PHACTR1: variants seen among roughly 807,000 people sequenced by gnomAD.
PHACTR1 encodes the protein phosphatase and actin regulator 1, also known as RPEL repeat containing 1.
A neutral mutation model predicts 69.2 loss-of-function variants in PHACTR1; 16 were observed. The ratio of observed to expected loss-of-function variants is 0.23; its 90% CI spans 0.16 to 0.35. The LOEUF (loss-of-function observed/expected upper bound fraction) is 0.35, where lower values mean the gene tolerates loss of function less well. PHACTR1 is among the 10% of genes least tolerant of loss of function. The probability of loss-of-function intolerance (pLI) is 1.00; values close to 1 mark genes in which losing one functional copy is unlikely to be tolerated. For missense variants in PHACTR1, 510 were observed against 734.7 expected, an observed-to-expected ratio of 0.69 and a Z score of 3.54; for synonymous variants, 312 against 284.5, an observed-to-expected ratio of 1.10 and a Z score of -0.97.
At chr6:13,227,268 G>C (rs910528197) in intron 8 of PHACTR1, among the ~76,000 whole-genome samples, 7 of 152,134 alleles carry the variant, frequency 4.6e-5, no homozygotes, top group Admixed American at 2.0e-4. Flanking sequence ...AGCATCTCCA[G>C]CCACAGCATT....
intron 4 of PHACTR1, among the ~76,000 whole-genome samples, chr6:12,794,267 A>G (rs980746994): frequency 1.1e-4 from 17 of 152,240 alleles, no homozygotes; most frequent in African/African-American, 4.1e-4. Flanking sequence ...ACAGGTGACT[A>G]TGATACCATT....
At chr6:12,774,999 A>G (rs571795122) in intron 4 of PHACTR1, among the ~76,000 whole-genome samples, 3 of 152,336 alleles carry the variant, frequency 2.0e-5, no homozygotes, top group South Asian at 2.1e-4. Context: ...GACGTGTCCA[A>G]CTTGTGAAGT....
intron 7 of PHACTR1, among the ~76,000 whole-genome samples, chr6:13,189,898 C>T (rs1417824811): frequency 6.6e-6 from 1 of 152,040 alleles, no homozygotes; most frequent in African/African-American, 2.4e-5. Flanking sequence ...GCTGGAAAGT[C>T]CAAGATCAAG....
chr6:13,140,541 G>T (rs1322612445), intron 5 of PHACTR1, among the ~76,000 whole-genome samples: 1 of 152,156 alleles, frequency 6.6e-6, no homozygotes, highest in Non-Finnish European at 1.5e-5. Flanking sequence ...TCACAAAAAA[G>T]ACAAATACTG....
At chr6:13,062,036 G>A (rs908685979) in intron 5 of PHACTR1, among the ~76,000 whole-genome samples, 17 of 152,156 alleles carry the variant, frequency 1.1e-4, no homozygotes, top group Admixed American at 6.5e-5. Context: ...GGGAACCTGT[G>A]AAACATAGCC....
intron 5 of PHACTR1, among the ~76,000 whole-genome samples, chr6:13,157,529 T>A (rs1364206985): frequency 6.6e-6 from 1 of 152,220 alleles, no homozygotes; most frequent in Non-Finnish European, 1.5e-5. Flanking sequence ...GATGTCCAGA[T>A]GGCTGAGTGC....
chr6:12,718,786 T>A lies in PHACTR1; in HGVS notation c.42T>A (p.Ser14=). 1 of 1,573,736 alleles carries A rather than the reference T, an allele frequency of 6.4e-7. No individual in the cohort carries two copies. The highest frequency in any genetic ancestry group is 8.6e-7 in the Non-Finnish European group (1 of 1,157,028). ...PKMDYFLDVE[S]AHRLLDVESA... is the part of the protein sequence containing the mutation. ...TGGATTATTTTCTGGATGTAGAGTC[T>A]GCTCACAGACTCTTGGATGTTGAGT... Residue 14 remains serine, a synonymous_variant, in exon 3 of 15, where the codon TCT becomes TCA. Coordinates refer to ENST00000332995, the MANE Select transcript of PHACTR1 (RefSeq NM_030948.6).
chr6:13,141,176 G>A (rs1822377999), intron 5 of PHACTR1, among the ~76,000 whole-genome samples: 1 of 152,072 alleles, frequency 6.6e-6, no homozygotes, highest in Admixed American at 6.5e-5. Flanking sequence ...TCAGCCCCAT[G>A]GCCAAATCCT....
intron 7 of PHACTR1, among the ~76,000 whole-genome samples, chr6:13,193,355 GTGTATATATATATA>G (rs1232160609): frequency 8.9e-5 from 4 of 45,076 alleles, no homozygotes; most frequent in East Asian, 2.4e-4. Flanking sequence ...ATAGCTCTCT[GTGTATATATATATA>G]TATATATATA....
At chr6:12,939,520 G>A (rs544031427) in intron 4 of PHACTR1, among the ~76,000 whole-genome samples, 136 of 152,256 alleles carry the variant, frequency 8.9e-4, no homozygotes, top group Middle Eastern at 3.4e-3. Flanking sequence ...TTCCTCATCA[G>A]TCAAAATCCC....
At chr6:12,728,925 C>G (rs1034002751) in intron 3 of PHACTR1, among the ~76,000 whole-genome samples, 1 of 152,038 alleles carries the variant, frequency 6.6e-6, no homozygotes, top group Admixed American at 6.5e-5. Flanking sequence ...TCAGCTACAG[C>G]AAAATACATA....
At chr6:13,225,960 C>G (rs891596249) in intron 8 of PHACTR1, among the ~76,000 whole-genome samples, 1 of 152,326 alleles carries the variant, frequency 6.6e-6, no homozygotes, top group East Asian at 1.9e-4. Flanking sequence ...CACCAAGTCC[C>G]CAGCCCCACT....
intron 4 of PHACTR1, among the ~76,000 whole-genome samples, chr6:12,866,544 A>T (rs889432947): frequency 6.6e-6 from 1 of 151,962 alleles, no homozygotes; most frequent in African/African-American, 2.4e-5. Context: ...TGTCAGAAAG[A>T]ATTGGTACCT....
chr6:13,145,064 AT>A (rs1309399315), intron 5 of PHACTR1, among the ~76,000 whole-genome samples: 1 of 152,232 alleles, frequency 6.6e-6, no homozygotes, highest in East Asian at 1.9e-4. Context: ...TTGGTTATCT[AT>A]TTTTAAGAAG....
At chr6:12,943,063 C>T (rs758783014) in intron 4 of PHACTR1, among the ~76,000 whole-genome samples, 1 of 152,182 alleles carries the variant, frequency 6.6e-6, no homozygotes, top group South Asian at 2.1e-4. Context: ...AAAACTTGTA[C>T]AGGAATGTTC....
Position 13,205,846 on chromosome 6 carries a change from G to A in PHACTR1, c.696G>A (p.Leu232=). 6.3e-7 allele frequency: 1 copy of A among 1,593,484 alleles called. No homozygotes were observed. Among genetic ancestry groups the A allele is most frequent in the Non-Finnish European group, 8.6e-7 (1 of 1,163,472 alleles). The change falls in exon 8 of 15, where the codon CTG becomes CTA. Residue 232 remains leucine (L), a synonymous_variant. Transcript: ENST00000332995. ...DPGAPVKLPC[L]PVKLSPPLPP... is the part of the protein sequence containing the mutation. ...GCGCCCCTGTGAAATTGCCTTGTCT[G>A]CCAGTGAAACTGTCGCCTCCGCTAC...
chr6:12,928,604 C>CAT (rs1405989398), intron 4 of PHACTR1, among the ~76,000 whole-genome samples: 33 of 123,834 alleles, frequency 2.7e-4, no homozygotes, highest in Non-Finnish European at 4.7e-4. Flanking sequence ...TCTGTCCATC[C>CAT]ACCCACCCAC....
At chr6:12,833,808 T>C (rs1221728385) in intron 4 of PHACTR1, among the ~76,000 whole-genome samples, 1 of 152,042 alleles carries the variant, frequency 6.6e-6, no homozygotes, top group East Asian at 1.9e-4. Flanking sequence ...TAAAATCCCA[T>C]CCCCTAGCCT....
chr6:12,736,073 G>A (rs1030386943), intron 3 of PHACTR1, among the ~76,000 whole-genome samples: 2 of 152,120 alleles, frequency 1.3e-5, no homozygotes, highest in African/African-American at 4.8e-5. Flanking sequence ...TTCCTCAGAT[G>A]GTTTGTTTTC....
Sources: gnomAD v4.1 joint callset for allele counts (sites outside exome capture counted in the v4.1 genomes callset) on GRCh38, gnomAD v4.1.1 for gene constraint, MANE v1.5 for transcripts, NCBI Gene and HGNC (gene_info 2026-07-23, HGNC 2026-07-21) for gene names.